Variants in DAB1 observed in about 807,000 individuals in gnomAD.
DAB1 encodes DAB adaptor protein 1, also known as disabled homolog 1.
In DAB1, 15 loss-of-function variants were observed where a neutral mutation model predicts 64.6. The ratio of observed to expected loss-of-function variants is 0.23; its 90% confidence interval spans 0.16 to 0.36. The LOEUF (loss-of-function observed/expected upper bound fraction) is 0.36, where lower values mean the gene tolerates loss of function less well. Ranked by LOEUF, DAB1 falls within the 10% of genes least tolerant of loss-of-function variation. The pLI, the probability that DAB1 is intolerant of heterozygous loss-of-function variation, is 1.00. For synonymous variants in DAB1, 235 were observed against 251.9 expected, an observed-to-expected ratio of 0.93 and a Z score of 0.64; for missense variants, 596 against 706.7, an observed-to-expected ratio of 0.84 and a Z score of 1.78.
chr1:58,161,661 C>T (rs1008300563), intron 4 of DAB1, among the ~76,000 whole-genome samples: 1 of 152,084 alleles, frequency 6.6e-6, no homozygotes, highest in African/African-American at 2.4e-5. Flanking sequence ...TATATAATTT[C>T]TCAGTAATCA....
intron 11 of DAB1, among the ~76,000 whole-genome samples, chr1:57,019,309 C>T (rs1646538721): frequency 6.6e-6 from 1 of 152,228 alleles, no homozygotes; most frequent in Non-Finnish European, 1.5e-5. Flanking sequence ...GCTGTGATCT[C>T]TGATGATTCT....
At chr1:57,723,713 C>T (rs1464069704) in intron 6 of DAB1, among the ~76,000 whole-genome samples, 1 of 152,192 alleles carries the variant, frequency 6.6e-6, no homozygotes, top group Admixed American at 6.5e-5. Flanking sequence ...ATATGTGGTG[C>T]TCCCAATTAG....
chr1:57,043,014 T>A lies in DAB1; in HGVS notation c.724-16971A>T, dbSNP rs535248395. Among the ~76,000 whole-genome samples, 149 of 151,736 alleles carry A rather than the reference T, an allele frequency of 9.8e-4. 3 individuals are homozygous for A. In the South Asian group the frequency reaches 0.028, roughly 28 times the overall value. The stretch of plus-strand genomic sequence containing the variant: ...ACTTCAAAGAAATACTAGGCAGAAG[T>A]TCCAGAAAAAGTTATAAGAACAGGG... On this transcript the variant is annotated intron_variant, in intron 9 of 14. Coordinates refer to ENST00000371236, the MANE Select transcript of DAB1 (RefSeq NM_001365792.1).
At chr1:57,763,817 T>C (rs1649190670) in intron 6 of DAB1, among the ~76,000 whole-genome samples, 1 of 152,208 alleles carries the variant, frequency 6.6e-6, no homozygotes, top group Non-Finnish European at 1.5e-5. Flanking sequence ...AGGAGGGTTT[T>C]CATTCTTGAT....
intron 7 of DAB1, among the ~76,000 whole-genome samples, chr1:57,627,866 T>C (rs1055090588): frequency 5.3e-5 from 8 of 152,352 alleles, no homozygotes; most frequent in Middle Eastern, 3.4e-3. Flanking sequence ...CCACTCTCTG[T>C]TCAAGTCTCA....
chr1:57,233,650 T>C (rs2100442669), intron 2 of DAB1, among the ~76,000 whole-genome samples: 1 of 151,228 alleles, frequency 6.6e-6, no homozygotes, highest in South Asian at 2.1e-4. Flanking sequence ...TCCCAGCTAC[T>C]CAGGAGGCTG....
intron 5 of DAB1, among the ~76,000 whole-genome samples, chr1:58,033,136 T>G (rs1283517742): frequency 1.3e-5 from 2 of 152,170 alleles, no homozygotes; most frequent in Non-Finnish European, 2.9e-5. Flanking sequence ...ACAATATGGG[T>G]TCCCAGGTCC....
chr1:58,477,574 C>T (rs910968715), intron 3 of DAB1, among the ~76,000 whole-genome samples: 15 of 152,084 alleles, frequency 9.9e-5, no homozygotes, highest in Non-Finnish European at 5.9e-5. Context: ...ATGGTGATTG[C>T]TTCAAGGGTG....
intron 3 of DAB1, among the ~76,000 whole-genome samples, chr1:58,356,797 G>C (rs1361103682): frequency 6.6e-6 from 1 of 152,120 alleles, no homozygotes; most frequent in East Asian, 1.9e-4. Flanking sequence ...AAGGTGGAAG[G>C]ATTGCTTGAG....
chr1:57,684,998 G>C (rs1646678930), intron 6 of DAB1, among the ~76,000 whole-genome samples: 1 of 151,574 alleles, frequency 6.6e-6, no homozygotes, highest in African/African-American at 2.4e-5. Flanking sequence ...CTGTCACCCA[G>C]GCTGGAGTGA....
chr1:57,262,760 A>G (rs1382322189), intron 2 of DAB1, among the ~76,000 whole-genome samples: 3 of 152,194 alleles, frequency 2.0e-5, no homozygotes, highest in Admixed American at 1.3e-4. Context: ...GCTGAGTACA[A>G]TGGGCAGGAG....
At chr1:57,000,988 A>G (rs2101621821) in intron 14 of DAB1, among the ~76,000 whole-genome samples, 1 of 152,340 alleles carries the variant, frequency 6.6e-6, no homozygotes, top group South Asian at 2.1e-4. Flanking sequence ...TCACAACAGC[A>G]GTAACGACTG....
chr1:57,010,906 G>C, intron 13 of DAB1, 116 bp from the exon 14 acceptor site: 1 of 866,450 alleles, frequency 1.2e-6, no homozygotes, highest in Admixed American at 2.9e-5. Context: ...AGGGTGCAAC[G>C]GCATTTAGAG....
chr1:58,132,334 A>C (rs1248407557), intron 5 of DAB1, among the ~76,000 whole-genome samples: 1 of 152,032 alleles, frequency 6.6e-6, no homozygotes, highest in African/African-American at 2.4e-5. Flanking sequence ...CGGTGCACGC[A>C]CCCACTGACC....
intron 3 of DAB1, among the ~76,000 whole-genome samples, chr1:58,399,589 A>G (rs1215156864): frequency 6.6e-6 from 1 of 152,210 alleles, no homozygotes; most frequent in African/African-American, 2.4e-5. Flanking sequence ...GTCAGACTCC[A>G]AAGTCCGAGC....
chr1:57,861,948 T>C (rs938153431), intron 1 of DAB1, among the ~76,000 whole-genome samples: 2 of 152,106 alleles, frequency 1.3e-5, no homozygotes, highest in Non-Finnish European at 1.5e-5. Flanking sequence ...CCTGCTCACA[T>C]GGTTATGCTT....
chr1:57,157,317 T>C lies in DAB1; in HGVS notation c.68-11888A>G, dbSNP rs140984757. Among the ~76,000 whole-genome samples, 21 of 152,314 alleles carry C rather than the reference T, an allele frequency of 1.4e-4. No homozygotes were observed. The Middle Eastern group carries it at 0.01, about 74-fold the overall frequency. ...CTCCAACATATTTCTTATATCAAGCTGAGTATTCACTTCTGTGCATTAGAT... is the reference window on the plus strand; with the variant it reads ...CTCCAACATATTTCTTATATCAAGCCGAGTATTCACTTCTGTGCATTAGAT... On this transcript the variant is annotated intron_variant, in intron 2 of 14. Transcript: ENST00000371236.
At chr1:58,485,534 A>G (rs1163704690) in intron 3 of DAB1, among the ~76,000 whole-genome samples, 1 of 152,108 alleles carries the variant, frequency 6.6e-6, no homozygotes, top group Non-Finnish European at 1.5e-5. Flanking sequence ...ATGACCATAC[A>G]TATTTCTATC....
intron 4 of DAB1, among the ~76,000 whole-genome samples, 160 bp from the exon 5 acceptor site, chr1:57,072,574 G>A (rs1157818762): frequency 6.6e-6 from 1 of 152,236 alleles, no homozygotes; most frequent in Non-Finnish European, 1.5e-5. Flanking sequence ...CTGTCCTTGA[G>A]AAATGGAGGC....
Sources: gnomAD v4.1 joint callset for allele counts (sites outside exome capture counted in the v4.1 genomes callset) on GRCh38, gnomAD v4.1.1 for gene constraint, MANE v1.5 for transcripts, NCBI Gene and HGNC (gene_info 2026-07-23, HGNC 2026-07-21) for gene names.